The following MAMDC2 variants were observed in gnomAD, a reference collection of about 807,000 sequenced individuals.
MAMDC2 encodes MAM domain-containing protein 2.
MAMDC2 carries 57 observed loss-of-function variants against 89.8 expected under a neutral mutation model. That is an observed-to-expected ratio of 0.63 (90% CI 0.51 to 0.79). The LOEUF is 0.79. MAMDC2 is among the 30% of genes least tolerant of loss of function. The pLI is 0.00. For missense variants in MAMDC2, 800 were observed against 820.6 expected, an observed-to-expected ratio of 0.97 and a Z score of 0.31; for synonymous variants, 313 against 293.4, an observed-to-expected ratio of 1.07 and a Z score of -0.68.
chr9:70,225,685 C>A, intron 12 of MAMDC2, 65 bp from the exon 13 acceptor site: 2 of 1,023,820 alleles, frequency 2.0e-6, no homozygotes, highest in Non-Finnish European at 3.1e-6. Context: ...AAGCCTGGAT[C>A]TGCCCTGACC....
intron 9 of MAMDC2, among the ~76,000 whole-genome samples, chr9:70,147,543 A>G (rs1335084536): frequency 6.7e-6 from 1 of 149,918 alleles, no homozygotes; most frequent in Non-Finnish European, 1.5e-5. Flanking sequence ...ACACTAAACC[A>G]TTTATTTTTG....
At chr9:70,136,199 C>T (rs1282935826) in intron 7 of MAMDC2, among the ~76,000 whole-genome samples, 4 of 152,292 alleles carry the variant, frequency 2.6e-5, no homozygotes, top group African/African-American at 9.6e-5. Context: ...CTATTCACCT[C>T]TCCTTCCCCC....
At chr9:70,061,850 G>A (rs1405594782) in intron 2 of MAMDC2, among the ~76,000 whole-genome samples, 3 of 152,192 alleles carry the variant, frequency 2.0e-5, no homozygotes, top group Admixed American at 6.5e-5. Flanking sequence ...AGCTAAACAT[G>A]TGATTAAGTA....
chr9:70,059,832 C>A (rs1040917042), intron 2 of MAMDC2, among the ~76,000 whole-genome samples: 2 of 152,172 alleles, frequency 1.3e-5, no homozygotes, highest in Non-Finnish European at 2.9e-5. Flanking sequence ...CCCAAATACC[C>A]AATTCATGAG....
At chr9:70,124,329 A>G (rs934256862) in intron 5 of MAMDC2, among the ~76,000 whole-genome samples, 9 of 152,228 alleles carry the variant, frequency 5.9e-5, no homozygotes, top group Admixed American at 5.2e-4. Flanking sequence ...GACTCAATCA[A>G]CTTCACTCAT....
intron 11 of MAMDC2, among the ~76,000 whole-genome samples, chr9:70,190,785 C>CA (rs2118600556): frequency 6.6e-6 from 1 of 152,144 alleles, no homozygotes; most frequent in Non-Finnish European, 1.5e-5. Flanking sequence ...TGATAAATGC[C>CA]ATGTGGATAC....
At chr9:70,049,550 G>T (rs1050942246) in intron 2 of MAMDC2, among the ~76,000 whole-genome samples, 2 of 152,114 alleles carry the variant, frequency 1.3e-5, no homozygotes, top group Non-Finnish European at 2.9e-5. Context: ...GCATCACAAA[G>T]TTCATAAGGC....
At chr9:70,172,663 A>T (rs2032385561) in intron 11 of MAMDC2, 1 of 152,694 alleles carries the variant, frequency 6.5e-6, no homozygotes, top group Non-Finnish European at 1.5e-5. Flanking sequence ...TGGCCTCAAT[A>T]GTGATGCACT....
intron 11 of MAMDC2, among the ~76,000 whole-genome samples, chr9:70,187,327 T>C (rs2032779286): frequency 6.6e-6 from 1 of 152,132 alleles, no homozygotes; most frequent in South Asian, 2.1e-4. Flanking sequence ...TCTTGGCCAA[T>C]TAAAAAATTT....
intron 9 of MAMDC2, among the ~76,000 whole-genome samples, chr9:70,149,464 C>T (rs1178650882): frequency 1.3e-5 from 2 of 152,128 alleles, no homozygotes; most frequent in Non-Finnish European, 2.9e-5. Flanking sequence ...CTGGTGTGGC[C>T]TTTCAGAGTT....
chr9:70,180,710 T>C (rs1231525916), intron 11 of MAMDC2, among the ~76,000 whole-genome samples: 1 of 152,204 alleles, frequency 6.6e-6, no homozygotes, highest in Admixed American at 6.5e-5. Context: ...TGATGGGGGT[T>C]GGTTTTTTCT....
intron 8 of MAMDC2, among the ~76,000 whole-genome samples, chr9:70,140,748 A>G (rs969612951): frequency 6.6e-6 from 1 of 152,190 alleles, no homozygotes; most frequent in African/African-American, 2.4e-5. Flanking sequence ...TGAATGCTCA[A>G]AATGCCGCTG....
intron 11 of MAMDC2, among the ~76,000 whole-genome samples, chr9:70,176,551 G>C (rs1030267249): frequency 6.6e-6 from 1 of 152,078 alleles, no homozygotes; most frequent in East Asian, 1.9e-4. Context: ...AAACTCTCTG[G>C]TGCACAACAC....
intron 2 of MAMDC2, among the ~76,000 whole-genome samples, chr9:70,090,089 C>G (rs1827855254): frequency 6.6e-6 from 1 of 150,762 alleles, no homozygotes; most frequent in East Asian, 2.0e-4. Context: ...TACTAAAAGC[C>G]CAACAACCCA....
intron 11 of MAMDC2, among the ~76,000 whole-genome samples, chr9:70,212,649 G>A (rs1053395929): frequency 1.3e-5 from 2 of 152,116 alleles, no homozygotes; most frequent in South Asian, 2.1e-4. Flanking sequence ...AAGCCCCAGT[G>A]AGATGAACCC....
intron 11 of MAMDC2, among the ~76,000 whole-genome samples, chr9:70,183,518 C>T (rs1037749764): frequency 6.6e-6 from 1 of 152,180 alleles, no homozygotes; most frequent in Non-Finnish European, 1.5e-5. Context: ...CTTTATGAAT[C>T]TGGGTACTCC....
intron 2 of MAMDC2, among the ~76,000 whole-genome samples, chr9:70,078,504 G>A (rs3015172): frequency 0.015 from 2,336 of 152,236 alleles, 63 homozygotes; most frequent in African/African-American, 0.053. Flanking sequence ...GGTGAAGAAA[G>A]GGGACACGGA....
intron 2 of MAMDC2, among the ~76,000 whole-genome samples, chr9:70,104,805 G>C (rs1828289471): frequency 6.6e-6 from 1 of 152,124 alleles, no homozygotes; most frequent in Admixed American, 6.5e-5. Flanking sequence ...AGGGATGACT[G>C]CTAATGGATA....
At chr9:70,062,481 A>G (rs1759060172) in intron 2 of MAMDC2, 1 of 152,272 alleles carries the variant, frequency 6.6e-6, no homozygotes, top group Non-Finnish European at 1.5e-5. Context: ...AAAAAGCTTT[A>G]TACCAAACAA....
Sources: allele counts gnomAD v4.1 joint callset (sites outside exome capture counted in the v4.1 genomes callset), GRCh38; gene constraint gnomAD v4.1.1; transcripts MANE v1.5; gene names NCBI Gene and HGNC (gene_info 2026-07-23, HGNC 2026-07-21).